The following TNFAIP8 variants were observed in gnomAD, a reference collection of about 807,000 sequenced individuals.
TNFAIP8 encodes tumor necrosis factor alpha-induced protein 8.
Under a neutral mutation model 13.3 loss-of-function variants are expected in TNFAIP8, and 7 were observed. That is an observed-to-expected ratio of 0.52 (90% CI 0.30 to 0.99). The LOEUF (loss-of-function observed/expected upper bound fraction) is 0.99, where lower values mean the gene tolerates loss of function less well. Ranked by LOEUF, TNFAIP8 falls within the 50% of genes least tolerant of loss-of-function variation. The pLI is 0.07. For synonymous variants in TNFAIP8, 94 were observed against 87.6 expected (o/e 1.07, Z -0.41); for missense variants, 258 against 236.9 (o/e 1.09, Z -0.58).
chr5:119,309,384 A>G (rs1250700104), intron 1 of TNFAIP8, among the ~76,000 whole-genome samples: 1 of 152,172 alleles, frequency 6.6e-6, no homozygotes, highest in African/African-American at 2.4e-5. Context: ...CTAGATTTCA[A>G]TCCTTTTTTG....
At chr5:119,288,113 G>A (rs1748860252) in intron 1 of TNFAIP8, among the ~76,000 whole-genome samples, 1 of 152,166 alleles carries the variant, frequency 6.6e-6, no homozygotes, top group African/African-American at 2.4e-5. Flanking sequence ...GGTTATAGAG[G>A]TGTGTGTGAA....
intron 1 of TNFAIP8, among the ~76,000 whole-genome samples, chr5:119,328,276 G>A (rs1750281517): frequency 2.0e-5 from 3 of 152,166 alleles, no homozygotes; most frequent in Admixed American, 6.5e-5. Flanking sequence ...GCCTCCCAAA[G>A]TGCTGGGATT....
At chr5:119,334,365 C>T (rs1489538909) in intron 1 of TNFAIP8, among the ~76,000 whole-genome samples, 2 of 151,806 alleles carry the variant, frequency 1.3e-5, no homozygotes, top group Non-Finnish European at 2.9e-5. Context: ...ATAATATTTG[C>T]TTAGGTTTAC....
chr5:119,287,842 A>C (rs1265816814), intron 1 of TNFAIP8, among the ~76,000 whole-genome samples: 2 of 152,232 alleles, frequency 1.3e-5, no homozygotes, highest in African/African-American at 4.8e-5. Context: ...CAGGCTAGAC[A>C]CAGTTTCTTT....
intron 1 of TNFAIP8, among the ~76,000 whole-genome samples, chr5:119,350,668 A>T (rs1053666988): frequency 6.6e-6 from 1 of 152,220 alleles, no homozygotes; most frequent in Non-Finnish European, 1.5e-5. Flanking sequence ...CTCATCTCCG[A>T]TGTCAGCAAT....
chr5:119,297,452 T>C (rs908443567), intron 1 of TNFAIP8, among the ~76,000 whole-genome samples: 4 of 152,222 alleles, frequency 2.6e-5, no homozygotes, highest in African/African-American at 9.7e-5. Flanking sequence ...CTAGTTTGAT[T>C]GCAGTGTGGT....
intron 1 of TNFAIP8, among the ~76,000 whole-genome samples, chr5:119,376,705 A>G (rs906660921): frequency 6.6e-6 from 1 of 152,176 alleles, no homozygotes; most frequent in Non-Finnish European, 1.5e-5. Flanking sequence ...TTCAGGGAGT[A>G]CGGAAACAAA....
intron 1 of TNFAIP8, among the ~76,000 whole-genome samples, chr5:119,307,083 T>G (rs1749589199): frequency 6.6e-6 from 1 of 152,178 alleles, no homozygotes; most frequent in Non-Finnish European, 1.5e-5. Context: ...ATACAGAAAA[T>G]TACTCTTTGG....
rs925006423 is a variant in TNFAIP8 at position 119,395,811 on chromosome 5, G to A, written c.*2430G>A. ...GAAGAATCCCCACGTGCTTAGGGTA[G>A]ATAAATCTGAGCCGAGTTAATACTA... On this transcript the variant is annotated 3_prime_UTR_variant, in exon 2 of 2. Transcript: ENST00000504771. The A allele has an allele frequency of 6.6e-6, 1 of 152,296 alleles. No homozygotes were observed. Among genetic ancestry groups the A allele is most frequent in the East Asian group, 1.9e-4 (1 of 5,190 alleles). 9.4% of individuals were successfully genotyped at this position (152,296 alleles called of 1,614,324 possible). A position where few individuals can be genotyped will look rare whatever the true frequency, so the allele number is the denominator to read the frequency against.
At chr5:119,281,287 T>TAA (rs1328183036) in intron 1 of TNFAIP8, among the ~76,000 whole-genome samples, 1 of 112,306 alleles carries the variant, frequency 8.9e-6, no homozygotes, top group African/African-American at 3.1e-5. Flanking sequence ...CACACACACA[T>TAA]ACACACACAC....
At chr5:119,280,329 AT>A (rs1748588555) in intron 1 of TNFAIP8, among the ~76,000 whole-genome samples, 1 of 142,136 alleles carries the variant, frequency 7.0e-6, no homozygotes, top group African/African-American at 2.8e-5. Flanking sequence ...AGTCTTACCC[AT>A]TAAAAAAAAA....
At chr5:119,295,812 G>A (rs1441835353) in intron 1 of TNFAIP8, among the ~76,000 whole-genome samples, 11 of 152,182 alleles carry the variant, frequency 7.2e-5, no homozygotes, top group Middle Eastern at 6.8e-3. Context: ...TCATTTAGCA[G>A]TGGTTTGTAG....
At chr5:119,333,277 T>C (rs1750441269) in intron 1 of TNFAIP8, 1 of 1,091,526 alleles carries the variant, frequency 9.2e-7, no homozygotes, top group Middle Eastern at 4.0e-4. Context: ...TCCATCCCTG[T>C]TGTGAATGTG....
upstream of TNFAIP8, among the ~76,000 whole-genome samples, chr5:119,352,184 G>A (rs982894381): frequency 2.0e-5 from 3 of 152,198 alleles, no homozygotes; most frequent in Admixed American, 2.0e-4. Context: ...TGTTATGGAA[G>A]GGTAAATGTA....
At chr5:119,382,589 G>T (rs570748201) in intron 1 of TNFAIP8, among the ~76,000 whole-genome samples, 6 of 152,252 alleles carry the variant, frequency 3.9e-5, no homozygotes, top group African/African-American at 1.4e-4. Flanking sequence ...GCTTACATCA[G>T]TTGACCCAAT....
intron 1 of TNFAIP8, among the ~76,000 whole-genome samples, chr5:119,344,042 A>G (rs1035364519): frequency 3.3e-5 from 5 of 152,188 alleles, no homozygotes; most frequent in African/African-American, 1.2e-4. Context: ...TTGCATTGCC[A>G]TTGCTTTCTT....
chr5:119,296,440 C>G (rs183141174), intron 1 of TNFAIP8, among the ~76,000 whole-genome samples: 10,909 of 151,618 alleles, frequency 0.072, 1,191 homozygotes, highest in African/African-American at 0.24. Context: ...ATTGATTTGC[C>G]TATATTGAAC....
At chr5:119,313,511 C>T (rs781487907) in intron 1 of TNFAIP8, among the ~76,000 whole-genome samples, 13 of 152,260 alleles carry the variant, frequency 8.5e-5, no homozygotes, top group Non-Finnish European at 1.6e-4. Flanking sequence ...ATAATAGGCA[C>T]GGGCTTTGAC....
chr5:119,374,524 T>C (rs1206916551), intron 1 of TNFAIP8, among the ~76,000 whole-genome samples: 1 of 152,186 alleles, frequency 6.6e-6, no homozygotes, highest in Non-Finnish European at 1.5e-5. Flanking sequence ...AGTAAGAAGT[T>C]GGCAGAAGCC....
Sources: allele counts gnomAD v4.1 joint callset (sites outside exome capture counted in the v4.1 genomes callset), GRCh38; gene constraint gnomAD v4.1.1; transcripts MANE v1.5; gene names NCBI Gene and HGNC (gene_info 2026-07-23, HGNC 2026-07-21).